The following AK3 variants were observed in gnomAD, a reference collection of about 807,000 sequenced individuals.
The protein encoded by AK3 is adenylate kinase 3.
A neutral mutation model predicts 23.7 loss-of-function variants in AK3; 27 were observed. That is an observed-to-expected ratio of 1.14 (90% CI 0.84 to 1.57). AK3 has a LOEUF of 1.57. AK3 is among the 40% of genes most tolerant of loss of function. AK3 has a pLI of 0.00. For synonymous variants in AK3, 159 were observed against 116.0 expected (o/e 1.37, Z -2.38); for missense variants, 406 against 285.6 (o/e 1.42, Z -3.04).
At chr9:4,738,346 A>G (rs532133531) in intron 1 of AK3, among the ~76,000 whole-genome samples, 2 of 152,126 alleles carry the variant, frequency 1.3e-5, no homozygotes, top group South Asian at 2.1e-4. Context: ...TTGTATTTTT[A>G]GTAGAGACAG....
chr9:4,721,940 C>T (rs10124574), intron 2 of AK3, among the ~76,000 whole-genome samples: 12,569 of 152,164 alleles, frequency 0.083, 1,674 homozygotes, highest in African/African-American at 0.28. Context: ...ACTGAGTGCA[C>T]GCGTGCCTGT....
At position 4,712,042 on chromosome 9, in the gene AK3, G is replaced by A. The variant is rs538217168; in HGVS notation, c.*934C>T. 68 of 152,142 alleles carry A rather than the reference G, an allele frequency of 4.5e-4. No individual in the cohort carries two copies. The highest frequency in any genetic ancestry group is 1.5e-3 in the African/African-American group (62 of 41,514). 9.4% of individuals were successfully genotyped at this position (152,142 alleles called of 1,614,324 possible). A position where few individuals can be genotyped will look rare whatever the true frequency, so the allele number is the denominator to read the frequency against. ...GCTTACTTTATTTACATAGTGCCAC[G>A]GGTTTCTCTTTTTTCTTCTCTTTTT... On this transcript the variant is annotated 3_prime_UTR_variant, in exon 5 of 5. Coordinates refer to ENST00000381809, the MANE Select transcript of AK3 (RefSeq NM_016282.4).
intron 4 of AK3, among the ~76,000 whole-genome samples, chr9:4,714,369 C>T (rs77703819): frequency 0.034 from 5,139 of 152,240 alleles, 302 homozygotes; most frequent in African/African-American, 0.11. Context: ...AAGCATTCTT[C>T]CCTTGATACC....
intron 1 of AK3, among the ~76,000 whole-genome samples, chr9:4,726,914 G>T (rs1842034242): frequency 6.6e-6 from 1 of 152,074 alleles, no homozygotes; most frequent in Non-Finnish European, 1.5e-5. Flanking sequence ...AATGGATGTT[G>T]TGTCAGCAGG....
chr9:4,736,981 G>A (rs1366479665), intron 1 of AK3, among the ~76,000 whole-genome samples: 1 of 151,862 alleles, frequency 6.6e-6, no homozygotes, highest in East Asian at 1.9e-4. Flanking sequence ...CCTAGCCAGG[G>A]TTATGTCTCT....
At chr9:4,717,702 A>G (rs1841774311) in intron 4 of AK3, among the ~76,000 whole-genome samples, 1 of 152,212 alleles carries the variant, frequency 6.6e-6, no homozygotes. Flanking sequence ...TATTCAGTAA[A>G]TTATGTGAGA....
chr9:4,741,406 C>T (rs1285583881), upstream of AK3: 1 of 261,582 alleles, frequency 3.8e-6, no homozygotes, highest in Non-Finnish European at 7.2e-6. Flanking sequence ...ACCTGCGCCT[C>T]TCCGCGGCCC....
At chr9:4,713,337 T>G (rs1841613601) in intron 4 of AK3, among the ~76,000 whole-genome samples, 1 of 152,244 alleles carries the variant, frequency 6.6e-6, no homozygotes, top group Non-Finnish European at 1.5e-5. Flanking sequence ...TATCATTTAT[T>G]TTATTTATTG....
At position 4,724,222 on chromosome 9, in the gene AK3, T is replaced by C. The variant is rs1841969695; in HGVS notation, c.152-1597A>G. On this transcript the variant is annotated intron_variant, in intron 1 of 4. Coordinates refer to ENST00000381809, the MANE Select transcript of AK3 (RefSeq NM_016282.4). ...GTCTACAGGCTTTTGACTACTGCTC[T>C]GGGGAGGGACAGCTTCAACCTCATC... 3.9e-5 allele frequency among the ~76,000 whole-genome samples: 6 copies of C among 152,046 alleles called. No individual in the cohort carries two copies. The South Asian group carries it at 1.2e-3, about 31-fold the overall frequency.
At chr9:4,714,639 C>T (rs1268548007) in intron 4 of AK3, among the ~76,000 whole-genome samples, 3 of 152,122 alleles carry the variant, frequency 2.0e-5, no homozygotes, top group East Asian at 3.9e-4. Flanking sequence ...GGCACCTATT[C>T]GATCCTAAAT....
chr9:4,722,977 G>A (rs932880654), intron 1 of AK3, among the ~76,000 whole-genome samples: 8 of 152,086 alleles, frequency 5.3e-5, no homozygotes, highest in East Asian at 3.9e-4. Flanking sequence ...GGTGGGAGAC[G>A]GGGGAATCGC....
At chr9:4,717,822 G>A (rs565552673) in intron 4 of AK3, among the ~76,000 whole-genome samples, 1 of 152,282 alleles carries the variant, frequency 6.6e-6, no homozygotes, top group East Asian at 1.9e-4. Context: ...ATGGTGCTTG[G>A]TATTTTCAAA....
At chr9:4,736,723 CTG>C (rs1199647957) in intron 1 of AK3, among the ~76,000 whole-genome samples, 1 of 151,912 alleles carries the variant, frequency 6.6e-6, no homozygotes, top group African/African-American at 2.4e-5. Context: ...CACTCTGTCA[CTG>C]TGAGTACTGT....
At chr9:4,722,368 A>T in intron 2 of AK3, 138 bp downstream of exon 2, 1 of 1,200,828 alleles carries the variant, frequency 8.3e-7, no homozygotes, top group Non-Finnish European at 1.1e-6. Context: ...AGAGAAGATG[A>T]CTGGTTTCAG....
chr9:4,711,519 C>T lies in AK3; in HGVS notation c.*1457G>A, dbSNP rs947657704. 2.0e-5 allele frequency: 3 copies of T among 152,486 alleles called. No individual in the cohort carries two copies. Among genetic ancestry groups the T allele is most frequent in the African/African-American group, 4.8e-5 (2 of 41,414 alleles). The allele number at this position is 152,486 out of a possible 1,614,324, so 9.4% of individuals were successfully genotyped here. A position where few individuals can be genotyped will look rare whatever the true frequency, so the allele number is the denominator to read the frequency against. ...CAGAAGAAAAGGGAAATAAAATTTT[C>T]CCCCCAAAACACATAAGAACCACTT... is the stretch of plus-strand genomic sequence containing the variant. On this transcript the variant is annotated 3_prime_UTR_variant, in exon 5 of 5. Coordinates refer to ENST00000381809, the MANE Select transcript of AK3 (RefSeq NM_016282.4).
At chr9:4,713,229 A>G (rs998575279) in intron 4 of AK3, 133 bp from the exon 5 acceptor site, 3 of 1,199,216 alleles carry the variant, frequency 2.5e-6, no homozygotes, top group Middle Eastern at 2.0e-4. Flanking sequence ...TGTAATCAGG[A>G]GAGAAAGGCA....
chr9:4,718,383 A>G lies in AK3; in HGVS notation c.563+36T>C, dbSNP rs764973342. 1.6e-5 allele frequency: 24 copies of G among 1,468,938 alleles called. 1 individual carries two copies. In the South Asian group the frequency reaches 2.6e-4, roughly 16 times the overall value. The allele number at this position is 1,468,938 out of a possible 1,614,324, so 91.0% of individuals were successfully genotyped here. A position where few individuals can be genotyped will look rare whatever the true frequency, so the allele number is the denominator to read the frequency against. ...AAATCAAAACTAGACTTAGTGCACC[A>G]CTACGCAAGAGAAGTTCTGAAAAGC... is the stretch of plus-strand genomic sequence containing the variant. On this transcript the variant is annotated intron_variant, in intron 4 of 4. Transcript: ENST00000381809.
In AK3 at chr9:4,722,662, T is replaced by C. The variant is rs750913919; in HGVS notation, c.152-37A>G. On this transcript the variant is annotated intron_variant, in intron 1 of 4. Transcript: ENST00000381809. ...CGGGGAAAAAAATCAGTAAGTGCAT[T>C]TGTTTTATCCCATTCCAGGCACCTC... is the stretch of plus-strand genomic sequence containing the variant. The C allele has an allele frequency of 9.9e-6, 16 of 1,613,886 alleles. No individual in the cohort carries two copies. In the South Asian group the frequency reaches 1.4e-4, roughly 14 times the overall value.
chr9:4,722,078 T>C (rs1467350667), intron 2 of AK3, among the ~76,000 whole-genome samples: 1 of 152,224 alleles, frequency 6.6e-6, no homozygotes, highest in African/African-American at 2.4e-5. Context: ...CCAGTTTTAG[T>C]GAGAGCTGAG....
Sources: allele counts gnomAD v4.1 joint callset (sites outside exome capture counted in the v4.1 genomes callset), GRCh38; gene constraint gnomAD v4.1.1; transcripts MANE v1.5; gene names NCBI Gene and HGNC (gene_info 2026-07-23, HGNC 2026-07-21).